Variants in CDH4 observed in about 807,000 individuals in gnomAD.
CDH4 encodes cadherin 4.
CDH4 carries 33 observed loss-of-function variants against 86.0 expected under a neutral mutation model. The observed-to-expected ratio is 0.38, with a 90% CI of 0.29 to 0.51. The LOEUF (loss-of-function observed/expected upper bound fraction) is 0.51. Ranked by LOEUF, CDH4 falls within the 20% of genes least tolerant of loss-of-function variation. CDH4 has a pLI of 0.86. For missense variants in CDH4, 1,114 were observed against 1,307.4 expected (o/e 0.85, Z 2.28); for synonymous variants, 555 against 549.4 (o/e 1.01, Z -0.14).
At chr20:61,712,786 C>T (rs942662363) in intron 2 of CDH4, among the ~76,000 whole-genome samples, 3 of 152,192 alleles carry the variant, frequency 2.0e-5, no homozygotes, top group African/African-American at 7.2e-5. Flanking sequence ...TGCCCAGCCT[C>T]ATGCTGGGCC....
rs144589452 is a variant in CDH4, at chr20:61,861,196, G to C, written c.877+8298G>C. ...TTCTCTGCACCCAGGGGCAGGGCCA[G>C]CAATGAGGCCTAGTGAGGTTCCACG... On this transcript the variant is annotated intron_variant, in intron 6 of 15. Transcript: ENST00000614565. Among the ~76,000 whole-genome samples the C allele has an allele frequency of 2.2e-3, 330 of 152,334 alleles. 1 individual carries two copies. Among genetic ancestry groups the C allele is most frequent in the Non-Finnish European group, 3.5e-3 (235 of 68,034 alleles).
chr20:61,762,996 T>C (rs1355749707), intron 3 of CDH4, among the ~76,000 whole-genome samples: 2 of 152,230 alleles, frequency 1.3e-5, no homozygotes, highest in African/African-American at 4.8e-5. Flanking sequence ...CAGGTGGACT[T>C]GTGCCATGCC....
chr20:61,498,451 C>T (rs760508061), intron 2 of CDH4, among the ~76,000 whole-genome samples: 1 of 152,196 alleles, frequency 6.6e-6, no homozygotes, highest in Non-Finnish European at 1.5e-5. Context: ...CTCCGACTTC[C>T]GGTGACACCT....
intron 2 of CDH4, among the ~76,000 whole-genome samples, chr20:61,304,577 C>G (rs2084405093): frequency 6.6e-6 from 1 of 151,822 alleles, no homozygotes; most frequent in African/African-American, 2.4e-5. Context: ...CTGAATTGTA[C>G]TAGAGGGCCT....
chr20:61,751,765 G>C (rs2088499596), intron 3 of CDH4, among the ~76,000 whole-genome samples: 3 of 152,148 alleles, frequency 2.0e-5, no homozygotes, highest in African/African-American at 7.2e-5. Flanking sequence ...TGGCCATTTG[G>C]GGGAAAGTTT....
At chr20:61,486,319 G>C (rs2085596268) in intron 2 of CDH4, among the ~76,000 whole-genome samples, 1 of 152,240 alleles carries the variant, frequency 6.6e-6, no homozygotes, top group Admixed American at 6.5e-5. Flanking sequence ...CCAGTGCCCA[G>C]CCTGTGGGTG....
At chr20:61,885,534 C>T (rs1208957122) in intron 7 of CDH4, among the ~76,000 whole-genome samples, 2 of 152,224 alleles carry the variant, frequency 1.3e-5, no homozygotes, top group African/African-American at 4.8e-5. Context: ...CCATTCATCG[C>T]TCAATGGACC....
chr20:61,315,401 G>A (rs1299421933), intron 2 of CDH4, among the ~76,000 whole-genome samples: 2 of 152,166 alleles, frequency 1.3e-5, no homozygotes, highest in African/African-American at 4.8e-5. Flanking sequence ...TAGCCCTGGG[G>A]ACAGGTGGGT....
intron 2 of CDH4, among the ~76,000 whole-genome samples, chr20:61,554,636 A>G (rs2086160448): frequency 2.6e-5 from 4 of 152,224 alleles, no homozygotes; most frequent in Admixed American, 2.6e-4. Context: ...GCTGCCTGGG[A>G]GCCGCAACCA....
At chr20:61,769,951 G>C (rs925464718) in intron 3 of CDH4, among the ~76,000 whole-genome samples, 2 of 152,216 alleles carry the variant, frequency 1.3e-5, no homozygotes, top group Non-Finnish European at 2.9e-5. Context: ...TGGAGGACAG[G>C]TGGGATGTCT....
intron 2 of CDH4, among the ~76,000 whole-genome samples, chr20:61,723,153 T>C (rs2088061695): frequency 6.6e-6 from 1 of 151,878 alleles, no homozygotes; most frequent in Non-Finnish European, 1.5e-5. Flanking sequence ...AGGATCAGAG[T>C]CCTTGTTTTT....
chr20:61,901,011 G>A (rs1313313540), intron 8 of CDH4, among the ~76,000 whole-genome samples: 1 of 152,234 alleles, frequency 6.6e-6, no homozygotes, highest in Non-Finnish European at 1.5e-5. Context: ...CCCTGGCACA[G>A]ATGAGCTGCT....
chr20:61,516,897 C>T lies in CDH4; in HGVS notation c.170-226666C>T. On this transcript the variant is annotated intron_variant, in intron 2 of 15. Transcript: ENST00000614565. This position sits in a 1 kb window ranked among gnomAD's most constrained non-coding sequence, Gnocchi z 4.0. ...GCAAGGAGCTCCAGGCACCCTCAGC[C>T]TGTCAACTTTTCAACTCCTCCAGCG... is the stretch of plus-strand genomic sequence containing the variant. Among the ~76,000 whole-genome samples the T allele has an allele frequency of 6.6e-6, 1 of 152,232 alleles. No individual in the cohort carries two copies. Among genetic ancestry groups the T allele is most frequent in the East Asian group, 1.9e-4 (1 of 5,190 alleles).
chr20:61,799,016 T>C (rs374432878), intron 4 of CDH4, among the ~76,000 whole-genome samples: 33 of 152,354 alleles, frequency 2.2e-4, no homozygotes, highest in African/African-American at 7.5e-4. Context: ...GCTTTCTTAA[T>C]GCAAACTTAA....
chr20:61,538,377 A>C (rs1198812208), intron 2 of CDH4, among the ~76,000 whole-genome samples: 1 of 152,042 alleles, frequency 6.6e-6, no homozygotes, highest in Non-Finnish European at 1.5e-5. Flanking sequence ...TCAAGTCAAG[A>C]GGTTTACTCA....
rs1395963032 is a variant in CDH4 at position 61,937,066 on chromosome 20, C to T, written c.*123C>T. ...GTGTCCTTAGTGCTGTTAGGAGGCCCCCCAATCCCCACGTTGAGCTGTCTA... is the reference window on the plus strand; with the variant it reads ...GTGTCCTTAGTGCTGTTAGGAGGCCTCCCAATCCCCACGTTGAGCTGTCTA... On this transcript the variant is annotated 3_prime_UTR_variant, in exon 16 of 16. Transcript: ENST00000614565. 5 of 743,308 alleles carry T rather than the reference C, an allele frequency of 6.7e-6. No homozygotes were observed. The highest frequency in any genetic ancestry group is 8.1e-6 in the Non-Finnish European group (4 of 493,734). 46.0% of individuals were successfully genotyped at this position (743,308 alleles called of 1,614,324 possible). A position where few individuals can be genotyped will look rare whatever the true frequency, so the allele number is the denominator to read the frequency against.
chr20:61,611,783 G>T (rs1470703064), intron 2 of CDH4, among the ~76,000 whole-genome samples: 1 of 152,122 alleles, frequency 6.6e-6, no homozygotes, highest in Non-Finnish European at 1.5e-5. Context: ...CAGTGGGGTG[G>T]ATCAGCCACC....
chr20:61,729,203 T>C (rs915220925), intron 2 of CDH4, among the ~76,000 whole-genome samples: 29 of 152,206 alleles, frequency 1.9e-4, no homozygotes, highest in Admixed American at 1.6e-3. Context: ...TTTGCCACTA[T>C]TATTCTCTGC....
Position 61,269,903 on chromosome 20 carries a change from A to G in CDH4, c.169+14966A>G, listed in dbSNP as rs553770300. Among the ~76,000 whole-genome samples the G allele has an allele frequency of 6.9e-4, 105 of 152,216 alleles. 2 individuals are homozygous for G. Among genetic ancestry groups the G allele is most frequent in the Admixed American group, 6.2e-3 (95 of 15,298 alleles). ...CACATGGCCCCGGCTGTTGACGATG[A>G]CCTTAAGCTCCCCTGACCAATCTCC... On this transcript the variant is annotated intron_variant, in intron 2 of 15. Transcript: ENST00000614565. This position sits in a 1 kb window ranked among gnomAD's most constrained non-coding sequence, Gnocchi z 5.3.
Sources: allele counts gnomAD v4.1 joint callset (sites outside exome capture counted in the v4.1 genomes callset), GRCh38; gene constraint gnomAD v4.1.1; non-coding constraint Gnocchi (gnomAD v3.1); transcripts MANE v1.5; gene names NCBI Gene and HGNC (gene_info 2026-07-23, HGNC 2026-07-21).